Variants in KDM2B observed in about 807,000 individuals in gnomAD.
KDM2B encodes the protein lysine-specific demethylase 2B.
KDM2B carries 26 observed loss-of-function variants against 150.0 expected under a neutral mutation model. That is an observed-to-expected ratio of 0.17 (90% CI 0.13 to 0.24). KDM2B has a LOEUF of 0.24. Among genes scored for constraint, KDM2B ranks in the 10% least tolerant of loss-of-function variants. The pLI, the probability that KDM2B is intolerant of heterozygous loss-of-function variation, is 1.00. For missense variants in KDM2B, 1,265 were observed against 1,816.9 expected, an observed-to-expected ratio of 0.70 and a Z score of 5.52; for synonymous variants, 734 against 729.5, an observed-to-expected ratio of 1.01 and a Z score of -0.10.
intron 1 of KDM2B, chr12:121,580,360 G>C (rs1891874947): frequency 4.2e-5 from 47 of 1,126,434 alleles, no homozygotes; most frequent in Non-Finnish European, 5.0e-5. Flanking sequence ...GCCCGGGCTT[G>C]GGGGGGTGGG....
chr12:121,491,058 A>G (rs1883290550), intron 12 of KDM2B, among the ~76,000 whole-genome samples: 1 of 152,122 alleles, frequency 6.6e-6, no homozygotes, highest in Non-Finnish European at 1.5e-5. Context: ...TCGTTTAGTT[A>G]CTTCTTCCTT....
chr12:121,423,383 C>T, the KDM2B span: 3 of 1,599,502 alleles, frequency 1.9e-6, no homozygotes, highest in Non-Finnish European at 2.6e-6. This position sits in a 1 kb window ranked among gnomAD's most constrained non-coding sequence, Gnocchi z 4.3. Context: ...TGTTGCCTTT[C>T]AGATGGCGAG....
At chr12:121,550,210 TG>T (rs1202327323) in intron 4 of KDM2B, among the ~76,000 whole-genome samples, 2 of 151,462 alleles carry the variant, frequency 1.3e-5, no homozygotes, top group African/African-American at 4.9e-5. Flanking sequence ...CTCAGGAAAC[TG>T]AGGCAAGAGG....
At chr12:121,455,543 A>C (rs1878095538) in intron 12 of KDM2B, among the ~76,000 whole-genome samples, 1 of 152,062 alleles carries the variant, frequency 6.6e-6, no homozygotes, top group Non-Finnish European at 1.5e-5. Context: ...AGACCTACAA[A>C]AAATTTTTAA....
At chr12:121,440,256 T>G in intron 21 of KDM2B, 181 bp from the exon 22 acceptor site, 1 of 602,502 alleles carries the variant, frequency 1.7e-6, no homozygotes. Context: ...CATCAAAACT[T>G]AGATTTTCAG....
intron 12 of KDM2B, among the ~76,000 whole-genome samples, chr12:121,459,424 C>T (rs1878779655): frequency 6.6e-6 from 1 of 152,162 alleles, no homozygotes; most frequent in Non-Finnish European, 1.5e-5. Flanking sequence ...TTATAAACCT[C>T]TTAGAAGAAA....
At chr12:121,507,966 G>A (rs1331185953) in intron 11 of KDM2B, among the ~76,000 whole-genome samples, 1 of 152,152 alleles carries the variant, frequency 6.6e-6, no homozygotes, top group Non-Finnish European at 1.5e-5. Context: ...AGCCAAGCTC[G>A]CACCACTGCA....
intron 12 of KDM2B, among the ~76,000 whole-genome samples, chr12:121,478,111 C>T (rs1404399269): frequency 6.6e-6 from 1 of 151,916 alleles, no homozygotes; most frequent in Non-Finnish European, 1.5e-5. Flanking sequence ...AACAAATAAC[C>T]CTCCCGCCTT....
chr12:121,414,490 G>A, the KDM2B span, among the ~76,000 whole-genome samples: 1 of 152,176 alleles, frequency 6.6e-6, no homozygotes, highest in Non-Finnish European at 1.5e-5. Flanking sequence ...GATAGCCCTG[G>A]TGGCTCAAAG....
At chr12:121,431,205 C>T (rs1427193486) in intron 22 of KDM2B, among the ~76,000 whole-genome samples, 7 of 151,634 alleles carry the variant, frequency 4.6e-5, no homozygotes, top group Non-Finnish European at 7.4e-5. Context: ...ACTCTTGGCT[C>T]ACTGCAACCT....
At chr12:121,580,370 G>C (rs1361337239) in intron 1 of KDM2B, 1 of 1,117,702 alleles carries the variant, frequency 8.9e-7, no homozygotes, top group Non-Finnish European at 1.1e-6. Context: ...GGGGGGGTGG[G>C]GGCGGCGGCC....
At chr12:121,531,959 G>C (rs1219440558) in intron 8 of KDM2B, among the ~76,000 whole-genome samples, 12 of 152,034 alleles carry the variant, frequency 7.9e-5, no homozygotes, top group Admixed American at 7.9e-4. Flanking sequence ...TGGGCATGTT[G>C]GCGCACGTCT....
At chr12:121,546,531 C>A (rs78844444) in intron 6 of KDM2B, among the ~76,000 whole-genome samples, 1,892 of 151,382 alleles carry the variant, frequency 0.012, 15 homozygotes, top group Non-Finnish European at 0.02. Context: ...TACAGGCGCC[C>A]GCCACCATGC....
intron 12 of KDM2B, among the ~76,000 whole-genome samples, chr12:121,480,133 C>G (rs1217725115): frequency 1.3e-5 from 2 of 150,718 alleles, no homozygotes; most frequent in African/African-American, 5.0e-5. Flanking sequence ...GTGCTGAAAC[C>G]ATCCACAAAT....
At chr12:121,470,218 T>C (rs1365093999) in intron 12 of KDM2B, 1 of 152,154 alleles carries the variant, frequency 6.6e-6, no homozygotes, top group Non-Finnish European at 1.5e-5. Flanking sequence ...TTGAGGACTC[T>C]CAAAAGCTCA....
intron 12 of KDM2B, among the ~76,000 whole-genome samples, chr12:121,491,122 C>A (rs1485353983): frequency 6.6e-6 from 1 of 152,134 alleles, no homozygotes; most frequent in Non-Finnish European, 1.5e-5. Flanking sequence ...ATAGCAGGGG[C>A]CTCCCTCCCC....
intron 4 of KDM2B, among the ~76,000 whole-genome samples, chr12:121,564,812 C>CT (rs59741784): frequency 0.11 from 17,154 of 149,734 alleles, 3,163 homozygotes; most frequent in African/African-American, 0.39. Context: ...ACAAGGCAAT[C>CT]TTTTTTTTTT....
At chr12:121,422,704 G>A in the KDM2B span, among the ~76,000 whole-genome samples, 1 of 152,162 alleles carries the variant, frequency 6.6e-6, no homozygotes, top group Non-Finnish European at 1.5e-5. Flanking sequence ...ATAGCCCTAT[G>A]GCCAAATCTC....
At chr12:121,538,638 G>A (rs76665063) in intron 6 of KDM2B, among the ~76,000 whole-genome samples, 19,786 of 152,074 alleles carry the variant, frequency 0.13, 2,723 homozygotes, top group African/African-American at 0.34. Context: ...CATCCAAACT[G>A]TGGTACCTGG....
Sources: allele counts gnomAD v4.1 joint callset (sites outside exome capture counted in the v4.1 genomes callset), GRCh38; gene constraint gnomAD v4.1.1; non-coding constraint Gnocchi (gnomAD v3.1); transcripts MANE v1.5; gene names NCBI Gene and HGNC (gene_info 2026-07-23, HGNC 2026-07-21).